PRKG1: variants seen among roughly 807,000 people sequenced by gnomAD.
PRKG1 encodes protein kinase cGMP-dependent 1, also known as cGMP-dependent protein kinase 1.
A neutral mutation model predicts 88.1 loss-of-function variants in PRKG1; 35 were observed. The observed-to-expected ratio is 0.40, with a 90% CI of 0.30 to 0.53. PRKG1 has a LOEUF of 0.53. Ranked by LOEUF, PRKG1 falls within the 20% of genes least tolerant of loss-of-function variation. The pLI is 0.59. For synonymous variants in PRKG1, 303 were observed against 292.5 expected, an observed-to-expected ratio of 1.04 and a Z score of -0.37; for missense variants, 540 against 839.8, an observed-to-expected ratio of 0.64 and a Z score of 4.41.
intron 10 of PRKG1, among the ~76,000 whole-genome samples, chr10:52,262,569 T>C (rs773473533): frequency 6.6e-6 from 1 of 152,000 alleles, no homozygotes; most frequent in Non-Finnish European, 1.5e-5. Context: ...CCGCACTTGG[T>C]CTGGTTTTAT....
chr10:51,918,552 A>G (rs1842395088), intron 5 of PRKG1, among the ~76,000 whole-genome samples: 1 of 152,208 alleles, frequency 6.6e-6, no homozygotes, highest in Non-Finnish European at 1.5e-5. Flanking sequence ...GCAATAAATC[A>G]GCTTTCTAGA....
chr10:51,297,788 A>G (rs1840759235), intron 2 of PRKG1, among the ~76,000 whole-genome samples: 1 of 152,112 alleles, frequency 6.6e-6, no homozygotes, highest in African/African-American at 2.4e-5. Flanking sequence ...CTTACATGTA[A>G]TAGGTTTTCA....
chr10:51,217,519 G>A (rs1356711983), intron 2 of PRKG1, among the ~76,000 whole-genome samples: 4 of 152,024 alleles, frequency 2.6e-5, no homozygotes, highest in East Asian at 3.9e-4. Flanking sequence ...TTGGATTATC[G>A]AAATTTTTAT....
intron 3 of PRKG1, among the ~76,000 whole-genome samples, chr10:51,676,504 C>T (rs1840715840): frequency 6.6e-6 from 1 of 151,390 alleles, no homozygotes; most frequent in Non-Finnish European, 1.5e-5. Flanking sequence ...TCATTTTCCT[C>T]CCACTGTTAA....
At chr10:51,907,305 C>A (rs868198369) in intron 4 of PRKG1, among the ~76,000 whole-genome samples, 3 of 151,720 alleles carry the variant, frequency 2.0e-5, no homozygotes, top group African/African-American at 4.8e-5. Context: ...AGACATCAAA[C>A]CATGCTTAAA....
At chr10:52,221,233 G>A (rs1193577117) in intron 9 of PRKG1, among the ~76,000 whole-genome samples, 2 of 152,070 alleles carry the variant, frequency 1.3e-5, no homozygotes, top group South Asian at 2.1e-4. Flanking sequence ...CTGCCCAGCT[G>A]AATTACTCCC....
chr10:51,475,132 A>G (rs527909807), intron 3 of PRKG1, among the ~76,000 whole-genome samples: 1 of 152,124 alleles, frequency 6.6e-6, no homozygotes, highest in South Asian at 2.1e-4. Context: ...AGCCCTTGCT[A>G]TAAGCACCTC....
intron 3 of PRKG1, among the ~76,000 whole-genome samples, chr10:51,665,058 C>G (rs939121037): frequency 6.6e-6 from 1 of 152,084 alleles, no homozygotes; most frequent in African/African-American, 2.4e-5. Context: ...AGTCTGTTGT[C>G]ACTTCTGAGT....
rs149125434 is a variant in PRKG1, at chr10:51,254,084, ATAT to A, written c.478+100758_478+100760del. Among the ~76,000 whole-genome samples, 7 of 152,068 alleles carry A rather than the reference ATAT, an allele frequency of 4.6e-5. No individual in the cohort carries two copies. The East Asian group carries it at 1.2e-3, about 25-fold the overall frequency. On this transcript the variant is annotated intron_variant, in intron 2 of 17. Coordinates refer to ENST00000373980, the MANE Select transcript of PRKG1 (RefSeq NM_006258.4). Reference sequence around the variant, plus strand: ...AAGCGATGTAAGATCAAAGTGTTTAATATTATACACACATACACACACACTATA... The same window carrying A: ...AAGCGATGTAAGATCAAAGTGTTTAATATACACACATACACACACACTATA...
chr10:52,067,997 G>C (rs1846397484), intron 7 of PRKG1, among the ~76,000 whole-genome samples: 1 of 107,130 alleles, frequency 9.3e-6, no homozygotes. Flanking sequence ...GAGGTCAGGA[G>C]ATCGAGACCA....
At chr10:51,850,767 A>G (rs1840533061) in intron 4 of PRKG1, among the ~76,000 whole-genome samples, 1 of 152,198 alleles carries the variant, frequency 6.6e-6, no homozygotes, top group Non-Finnish European at 1.5e-5. Context: ...ATGCAAATTT[A>G]ACACTATAGT....
chr10:52,089,696 G>T (rs1280541160), intron 7 of PRKG1, among the ~76,000 whole-genome samples: 3 of 151,734 alleles, frequency 2.0e-5, no homozygotes, highest in Non-Finnish European at 4.4e-5. Flanking sequence ...ATATACATGG[G>T]TTAGCAAACA....
Position 51,794,947 on chromosome 10 carries a change from G to A in PRKG1, c.593-9638G>A, listed in dbSNP as rs895904195. ...AGAAAGGAGATAGGACTATTTCATA[G>A]GATTAACATATGTTAAGCAAACATA... On this transcript the variant is annotated intron_variant, in intron 3 of 17. Coordinates refer to ENST00000373980, the MANE Select transcript of PRKG1 (RefSeq NM_006258.4). Among the ~76,000 whole-genome samples, 5 of 151,918 alleles carry A rather than the reference G, an allele frequency of 3.3e-5. No individual in the cohort carries two copies. The East Asian group carries it at 9.6e-4, about 29-fold the overall frequency.
In PRKG1 at chr10:51,166,213, TA is replaced by T. The variant is rs59483704; in HGVS notation, c.478+12897del. 6.4e-3 allele frequency among the ~76,000 whole-genome samples: 896 copies of T among 139,912 alleles called. 3 individuals are homozygous for T. The highest frequency in any genetic ancestry group is 9.2e-3 in the African/African-American group (353 of 38,312). 91.8% of individuals were successfully genotyped at this position (139,912 alleles called of 152,430 possible). A position where few individuals can be genotyped will look rare whatever the true frequency, so the allele number is the denominator to read the frequency against. ...TACATGCCCTCAATTTAAAGCCACTTAAAAAAAAAAAAAAGATTTGTAATAA... is the reference window on the plus strand; with the variant it reads ...TACATGCCCTCAATTTAAAGCCACTTAAAAAAAAAAAAAGATTTGTAATAA... On this transcript the variant is annotated intron_variant, in intron 2 of 17. Coordinates refer to ENST00000373980, the MANE Select transcript of PRKG1 (RefSeq NM_006258.4).
At chr10:52,286,652 T>G (rs1207073840) in intron 14 of PRKG1, among the ~76,000 whole-genome samples, 3 of 151,960 alleles carry the variant, frequency 2.0e-5, no homozygotes, top group African/African-American at 4.8e-5. Flanking sequence ...TTATTTCTCA[T>G]CATTAATAAT....
chr10:51,963,896 T>C (rs751273508), intron 5 of PRKG1, among the ~76,000 whole-genome samples: 1 of 152,214 alleles, frequency 6.6e-6, no homozygotes, highest in Non-Finnish European at 1.5e-5. Flanking sequence ...AGTTTCCTAT[T>C]GCTGCTGTAA....
intron 3 of PRKG1, among the ~76,000 whole-genome samples, chr10:51,694,130 A>G (rs1053839902): frequency 3.9e-5 from 6 of 152,222 alleles, no homozygotes; most frequent in African/African-American, 1.4e-4. Flanking sequence ...GAGATTAGCT[A>G]ATATAAAGCA....
At chr10:51,738,208 A>T (rs1837341403) in intron 3 of PRKG1, among the ~76,000 whole-genome samples, 1 of 152,150 alleles carries the variant, frequency 6.6e-6, no homozygotes, top group South Asian at 2.1e-4. Context: ...TACAGTCCTC[A>T]GTGTCTTTAA....
At chr10:52,166,129 A>T (rs908626859) in intron 9 of PRKG1, among the ~76,000 whole-genome samples, 1 of 152,244 alleles carries the variant, frequency 6.6e-6, no homozygotes, top group Non-Finnish European at 1.5e-5. Flanking sequence ...AGGCAACATC[A>T]GATCAAAGCT....
Sources: gnomAD v4.1 joint callset for allele counts (sites outside exome capture counted in the v4.1 genomes callset) on GRCh38, gnomAD v4.1.1 for gene constraint, MANE v1.5 for transcripts, NCBI Gene and HGNC (gene_info 2026-07-23, HGNC 2026-07-21) for gene names.